The following ZNF236 variants were observed in gnomAD, a reference collection of about 807,000 sequenced individuals.
The protein encoded by ZNF236 is regulated by glucose.
In ZNF236, 50 loss-of-function variants were observed where a neutral mutation model predicts 191.2. The observed-to-expected ratio is 0.26, with a 90% confidence interval of 0.21 to 0.33. ZNF236 has a LOEUF of 0.33. Among genes scored for constraint, ZNF236 ranks in the 10% least tolerant of loss-of-function variants. The pLI is 1.00. For synonymous variants in ZNF236, 907 were observed against 928.8 expected (o/e 0.98, Z 0.43); for missense variants, 1,754 against 2,374.5 (o/e 0.74, Z 5.43).
chr18:76,937,428 A>T, intron 26 of ZNF236, 85 bp downstream of exon 26: 1 of 1,265,176 alleles, frequency 7.9e-7, no homozygotes, highest in Non-Finnish European at 1.0e-6. Flanking sequence ...TCCTAAATAA[A>T]TAGTCTGAGC....
chr18:76,861,799 G>A (rs1308426720), intron 3 of ZNF236, among the ~76,000 whole-genome samples: 1 of 152,182 alleles, frequency 6.6e-6, no homozygotes, highest in Non-Finnish European at 1.5e-5. Context: ...ACTCTGAAAG[G>A]CATCAGAGGT....
intron 1 of ZNF236, among the ~76,000 whole-genome samples, chr18:76,827,387 C>T (rs1975048699): frequency 6.6e-6 from 1 of 152,062 alleles, no homozygotes; most frequent in African/African-American, 2.4e-5. Flanking sequence ...GGGGTTTCAC[C>T]CTGTTAGCTA....
chr18:76,851,377 T>G (rs967852377), intron 2 of ZNF236, among the ~76,000 whole-genome samples: 10 of 151,840 alleles, frequency 6.6e-5, no homozygotes, highest in Non-Finnish European at 1.2e-4. Flanking sequence ...GTGATTCTCT[T>G]GCCTCGGCCT....
chr18:76,847,670 C>T lies in ZNF236; in HGVS notation c.56-1856C>T, dbSNP rs991773238. Among the ~76,000 whole-genome samples the T allele has an allele frequency of 1.6e-4, 24 of 152,136 alleles. 1 individual carries two copies. The highest frequency in any genetic ancestry group is 4.6e-4 in the African/African-American group (19 of 41,526). ...GTCTTTAGTAGAGACAGGGTTTCAC[C>T]GTGTTAGCCAGGATGGTCTTGATCT... On this transcript the variant is annotated intron_variant, in intron 1 of 30. Coordinates refer to ENST00000320610, the MANE Select transcript of ZNF236 (RefSeq NM_001306089.2).
At chr18:76,936,215 C>G (rs774544941) in intron 25 of ZNF236, among the ~76,000 whole-genome samples, 2 of 152,214 alleles carry the variant, frequency 1.3e-5, no homozygotes, top group African/African-American at 2.4e-5. Flanking sequence ...TGGTCGTCAT[C>G]TTGGCATCCT....
rs745401249 is a variant in ZNF236 at position 76,853,713 on chromosome 18, A to G, written c.363+1774A>G. ...GACTAAGTTAATAAGAATACATTGT[A>G]TGTTTGAAAATTGCTGGCTCGGCAT... On this transcript the variant is annotated intron_variant, in intron 3 of 30. Coordinates refer to ENST00000320610, the MANE Select transcript of ZNF236 (RefSeq NM_001306089.2). Among the ~76,000 whole-genome samples, 31 of 152,022 alleles carry G rather than the reference A, an allele frequency of 2.0e-4. 1 individual carries two copies. The highest frequency in any genetic ancestry group is 8.8e-5 in the Non-Finnish European group (6 of 67,988).
chr18:76,827,643 A>G (rs1975054868), intron 1 of ZNF236, among the ~76,000 whole-genome samples: 1 of 152,168 alleles, frequency 6.6e-6, no homozygotes, highest in Non-Finnish European at 1.5e-5. Context: ...TTCCTGGAGA[A>G]AATGTTGTTA....
rs748511551 is a variant in ZNF236, at chr18:76,928,083, A to C, written c.4571A>C (p.Gln1524Pro). The C allele has an allele frequency of 3.1e-6, 5 of 1,611,134 alleles. No homozygotes were observed. The South Asian group carries it at 3.3e-5, about 11-fold the overall frequency. ...GCCACGTCTTCCTCGGGGTCTCCAC[A>C]GGAAATTACCCTGACTATCTCCGGT... Reference protein sequence around the residue: ...PTATSSSGSPQEITLTISELN... With the variant: ...PTATSSSGSPPEITLTISELN... Residue 1524 changes from glutamine (Q) to proline (P), a missense_variant, in exon 25 of 31, where the codon CAG (glutamine) becomes CCG (proline). Gln to Pro is a moderately conservative substitution (Grantham distance 76). Around this residue, in one of 5 missense-constraint regions of ZNF236, gnomAD observed 606 missense variants for 761.5 expected, o/e 0.80. Transcript: ENST00000320610.
intron 27 of ZNF236, among the ~76,000 whole-genome samples, chr18:76,952,733 A>C (rs1290472559): frequency 1.3e-5 from 2 of 152,216 alleles, no homozygotes; most frequent in Admixed American, 6.5e-5. Flanking sequence ...GCTTGAGCCC[A>C]GGAGTTCGAG....
intron 11 of ZNF236, 72 bp from the exon 12 acceptor site, chr18:76,904,306 CAT>C (rs1977680897): frequency 7.1e-7 from 1 of 1,414,772 alleles, no homozygotes; most frequent in Non-Finnish European, 9.3e-7. Context: ...CTGGGTAAAA[CAT>C]GTGCCTTGTG....
chr18:76,967,051 A>G (rs200888287), intron 30 of ZNF236, among the ~76,000 whole-genome samples: 1 of 148,174 alleles, frequency 6.7e-6, no homozygotes, highest in Middle Eastern at 3.5e-3. Flanking sequence ...GTTGGAGGTG[A>G]TGTGATTCGT....
At position 76,923,122 on chromosome 18, in the gene ZNF236, A is replaced by T. The variant is rs573132275; in HGVS notation, c.3609A>T (p.Gly1203=). The stretch of plus-strand genomic sequence containing the variant: ...AGCCATACAAATGTGATGAATGTGG[A>T]AAGAGTTTTACTGTGAAATCCACTC... ...GEKPYKCDEC[G]KSFTVKSTLD... Residue 1203 remains glycine (G), a synonymous_variant, in exon 21 of 31, where the codon GGA becomes GGT. Coordinates refer to ENST00000320610, the MANE Select transcript of ZNF236 (RefSeq NM_001306089.2). The T allele has an allele frequency of 1.9e-6, 3 of 1,614,078 alleles. No homozygotes were observed. The highest frequency in any genetic ancestry group is 1.3e-5 in the African/African-American group (1 of 75,068).
intron 18 of ZNF236, among the ~76,000 whole-genome samples, chr18:76,914,248 C>T (rs1967295885): frequency 6.6e-6 from 1 of 152,156 alleles, no homozygotes. Context: ...CAAGTTTCAC[C>T]TATGCTGTAT....
chr18:76,866,812 G>T (rs1976426109), intron 3 of ZNF236, among the ~76,000 whole-genome samples: 1 of 152,138 alleles, frequency 6.6e-6, no homozygotes, highest in Non-Finnish European at 1.5e-5. Flanking sequence ...CTCAAGTGTT[G>T]CCAGGGCGCG....
chr18:76,957,041 T>C (rs1206411628), intron 28 of ZNF236, among the ~76,000 whole-genome samples: 1 of 152,178 alleles, frequency 6.6e-6, no homozygotes, highest in African/African-American at 2.4e-5. Flanking sequence ...GCCTGCGAAA[T>C]TTCTGACCAG....
At position 76,928,015 on chromosome 18, in the gene ZNF236, C is replaced by A; in HGVS notation, c.4503C>A (p.Asn1501Lys). The change falls in exon 25 of 31, where the codon AAC (asparagine) becomes AAA (lysine). Residue 1501 changes from asparagine (N) to lysine (K), a missense_variant. Physicochemically the swap from Asn to Lys is moderately conservative, Grantham distance 94 (BLOSUM62 0). Around this residue, in one of 5 missense-constraint regions of ZNF236, gnomAD observed 606 missense variants for 761.5 expected, o/e 0.80. Transcript: ENST00000320610. Reference protein sequence around the residue: ...GPHEITLTINNSSLSQVLAQA... With the variant: ...GPHEITLTINKSSLSQVLAQA... ...ACGAGATCACCCTGACCATTAACAA[C>A]TCCAGCCTGAGCCAGGTCCTGGCAC... 6.2e-7 allele frequency: 1 copy of A among 1,614,086 alleles called. No homozygotes were observed. The highest frequency in any genetic ancestry group is 8.5e-7 in the Non-Finnish European group (1 of 1,179,992).
chr18:76,959,367 C>A (rs1568248284), intron 28 of ZNF236, among the ~76,000 whole-genome samples: 1 of 152,156 alleles, frequency 6.6e-6, no homozygotes, highest in Non-Finnish European at 1.5e-5. Flanking sequence ...GCACTAGGCT[C>A]ATGGCATGAC....
At chr18:76,954,974 T>C (rs1336726079) in intron 27 of ZNF236, among the ~76,000 whole-genome samples, 1 of 152,260 alleles carries the variant, frequency 6.6e-6, no homozygotes, top group Non-Finnish European at 1.5e-5. Flanking sequence ...TGTTTACTTA[T>C]TTCTTATATT....
chr18:76,847,401 G>A (rs1055968741), intron 1 of ZNF236, among the ~76,000 whole-genome samples: 5 of 151,896 alleles, frequency 3.3e-5, no homozygotes, highest in African/African-American at 1.2e-4. Context: ...ATACTACACA[G>A]TTTTCCAAGG....
Sources: allele counts gnomAD v4.1 joint callset (sites outside exome capture counted in the v4.1 genomes callset), GRCh38; gene constraint gnomAD v4.1.1; regional missense constraint gnomAD v4.1.1; transcripts MANE v1.5; gene names NCBI Gene and HGNC (gene_info 2026-07-23, HGNC 2026-07-21).